Variants in PTPRT observed in about 807,000 individuals in gnomAD.
PTPRT encodes protein tyrosine phosphatase receptor type T, also known as receptor-type tyrosine-protein phosphatase T.
A neutral mutation model predicts 176.8 loss-of-function variants in PTPRT; 56 were observed. The observed-to-expected ratio is 0.32, with a 90% CI of 0.26 to 0.40. The LOEUF (loss-of-function observed/expected upper bound fraction) is 0.40. Among genes scored for constraint, PTPRT ranks in the 10% least tolerant of loss-of-function variants. The probability of loss-of-function intolerance (pLI) is 1.00; values close to 1 mark genes in which losing one functional copy is unlikely to be tolerated. For synonymous variants in PTPRT, 783 were observed against 739.0 expected, an observed-to-expected ratio of 1.06 and a Z score of -0.96; for missense variants, 1,540 against 1,908.2, an observed-to-expected ratio of 0.81 and a Z score of 3.60.
chr20:42,380,993 T>C (rs2058693644), intron 9 of PTPRT, among the ~76,000 whole-genome samples: 3 of 152,144 alleles, frequency 2.0e-5, no homozygotes, highest in South Asian at 4.2e-4. Context: ...ACATTTCACA[T>C]GGTGGGAGTG....
chr20:42,519,830 C>A (rs2072138816), intron 7 of PTPRT, among the ~76,000 whole-genome samples: 1 of 151,988 alleles, frequency 6.6e-6, no homozygotes, highest in African/African-American at 2.4e-5. Context: ...GCTTGGTTTA[C>A]AAATTACTGA....
At chr20:42,394,373 A>G (rs979752248) in intron 9 of PTPRT, among the ~76,000 whole-genome samples, 1 of 152,208 alleles carries the variant, frequency 6.6e-6, no homozygotes, top group Non-Finnish European at 1.5e-5. Context: ...TGCCAATGAA[A>G]CGTGAGCAGA....
intron 16 of PTPRT, among the ~76,000 whole-genome samples, chr20:42,184,583 T>TTCTTCTTCTTCA (rs1471645810): frequency 7.1e-6 from 1 of 141,628 alleles, no homozygotes; most frequent in South Asian, 2.4e-4. Flanking sequence ...CTTCTTCTTC[T>TTCTTCTTCTTCA]TCTTCTTCTT....
rs191432281 is a variant in PTPRT at position 42,985,592 on chromosome 20, G to T, written c.89-99660C>A. On this transcript the variant is annotated intron_variant, in intron 1 of 30. Transcript: ENST00000373187. ...CTGCTCTTGTAGAGCTTACTCTCTTGTGGGGGTAGGGGTGGGAAACAGATC... is the reference window on the plus strand; with the variant it reads ...CTGCTCTTGTAGAGCTTACTCTCTTTTGGGGGTAGGGGTGGGAAACAGATC... 9.9e-4 allele frequency among the ~76,000 whole-genome samples: 151 copies of T among 152,288 alleles called. 2 individuals carry two copies. Among genetic ancestry groups the T allele is most frequent in the Admixed American group, 8.2e-3 (126 of 15,300 alleles).
intron 1 of PTPRT, among the ~76,000 whole-genome samples, chr20:43,081,717 C>A (rs997168290): frequency 1.3e-5 from 2 of 152,088 alleles, no homozygotes; most frequent in African/African-American, 4.8e-5. Flanking sequence ...GAATATAATC[C>A]ATTTTTGTGA....
intron 15 of PTPRT, among the ~76,000 whole-genome samples, chr20:42,213,923 A>C (rs2055706842): frequency 6.6e-6 from 1 of 152,238 alleles, no homozygotes; most frequent in South Asian, 2.1e-4. Flanking sequence ...AAACTAATAA[A>C]ATGACCATAA....
intron 2 of PTPRT, among the ~76,000 whole-genome samples, chr20:42,858,772 T>C (rs1400726298): frequency 6.6e-6 from 1 of 152,102 alleles, no homozygotes; most frequent in African/African-American, 2.4e-5. Flanking sequence ...TGTCAAGGGG[T>C]TGGGGGATCC....
chr20:42,199,691 A>G (rs1426272994), intron 15 of PTPRT, among the ~76,000 whole-genome samples: 1 of 152,146 alleles, frequency 6.6e-6, no homozygotes, highest in African/African-American at 2.4e-5. Context: ...CAAGATTTGT[A>G]TTCCTTTCCC....
intron 1 of PTPRT, among the ~76,000 whole-genome samples, chr20:42,991,569 G>T (rs1190585535): frequency 6.6e-6 from 1 of 152,068 alleles, no homozygotes; most frequent in Non-Finnish European, 1.5e-5. Context: ...GGGGCAGATG[G>T]AAATGGGAAG....
intron 7 of PTPRT, among the ~76,000 whole-genome samples, chr20:42,553,324 T>C (rs540778176): frequency 4.6e-5 from 7 of 152,226 alleles, no homozygotes; most frequent in South Asian, 2.1e-4. Flanking sequence ...CTCCCACATA[T>C]GCATTTACTT....
chr20:42,092,509 CAGTG>C (rs1984725584), intron 27 of PTPRT, among the ~76,000 whole-genome samples: 1 of 152,318 alleles, frequency 6.6e-6, no homozygotes, highest in African/African-American at 2.4e-5. Flanking sequence ...CAGGGCAACA[CAGTG>C]AGTAAGTACC....
chr20:42,185,288 A>G (rs2146611999), intron 16 of PTPRT, among the ~76,000 whole-genome samples: 1 of 151,918 alleles, frequency 6.6e-6, no homozygotes, highest in South Asian at 2.1e-4. Context: ...TTCCTTTACT[A>G]TTTTTCTTGG....
chr20:42,551,962 A>G (rs575530390), intron 7 of PTPRT, among the ~76,000 whole-genome samples: 24 of 152,248 alleles, frequency 1.6e-4, no homozygotes, highest in African/African-American at 5.5e-4. Context: ...CCACCTATAC[A>G]TGAAGGGGAT....
At chr20:42,678,285 T>G in intron 6 of PTPRT, 126 bp from the exon 7 acceptor site, 2 of 852,912 alleles carry the variant, frequency 2.3e-6, no homozygotes, top group Non-Finnish European at 3.4e-6. Context: ...AAACCCCTTT[T>G]TGTTTTATTT....
intron 9 of PTPRT, among the ~76,000 whole-genome samples, chr20:42,367,942 G>C (rs540195117): frequency 1.4e-3 from 216 of 152,296 alleles, no homozygotes; most frequent in Middle Eastern, 0.01. Flanking sequence ...TCTTCATCCT[G>C]AAAGGTAACA....
intron 3 of PTPRT, 148 bp downstream of exon 3, chr20:42,791,047 A>C: frequency 3.3e-6 from 3 of 906,322 alleles, no homozygotes; most frequent in Non-Finnish European, 4.8e-6. Context: ...GTGTTAGGTC[A>C]CCTCTGCAGA....
intron 1 of PTPRT, among the ~76,000 whole-genome samples, chr20:43,021,013 AAC>A (rs1985651114): frequency 6.6e-6 from 1 of 152,182 alleles, no homozygotes; most frequent in Non-Finnish European, 1.5e-5. Context: ...CAACTGACCA[AAC>A]CAGATTCAAA....
chr20:42,686,583 A>C (rs934231803), intron 6 of PTPRT, among the ~76,000 whole-genome samples: 24 of 143,230 alleles, frequency 1.7e-4, no homozygotes, highest in African/African-American at 5.9e-4. Context: ...TCCCGGGTTC[A>C]AGTGATTCTC....
chr20:42,328,778 C>T (rs902213329), intron 11 of PTPRT, among the ~76,000 whole-genome samples: 3 of 152,140 alleles, frequency 2.0e-5, no homozygotes, highest in African/African-American at 4.8e-5. Context: ...TATTTGGCAA[C>T]GTTGCCCGGA....
Sources: gnomAD v4.1 joint callset for allele counts (sites outside exome capture counted in the v4.1 genomes callset) on GRCh38, gnomAD v4.1.1 for gene constraint, MANE v1.5 for transcripts, NCBI Gene and HGNC (gene_info 2026-07-23, HGNC 2026-07-21) for gene names.